The following TMEM132D variants were observed in gnomAD, a reference collection of about 807,000 sequenced individuals.
TMEM132D encodes the protein transmembrane protein 132D.
Under a neutral mutation model 62.3 loss-of-function variants are expected in TMEM132D, and 21 were observed. The ratio of observed to expected loss-of-function variants is 0.34; its 90% CI spans 0.24 to 0.49. The LOEUF (loss-of-function observed/expected upper bound fraction) is 0.49, where lower values mean the gene tolerates loss of function less well. TMEM132D is among the 20% of genes least tolerant of loss of function. The pLI, the probability that TMEM132D is intolerant of heterozygous loss-of-function variation, is 0.99. For synonymous variants in TMEM132D, 621 were observed against 575.6 expected, an observed-to-expected ratio of 1.08 and a Z score of -1.13; for missense variants, 1,346 against 1,402.8, an observed-to-expected ratio of 0.96 and a Z score of 0.65.
intron 1 of TMEM132D, among the ~76,000 whole-genome samples, chr12:129,786,857 C>T (rs1166297861): frequency 6.6e-6 from 1 of 152,148 alleles, no homozygotes; most frequent in African/African-American, 2.4e-5. Flanking sequence ...TGCCACTGTG[C>T]TCCAGCCTGA....
intron 1 of TMEM132D, among the ~76,000 whole-genome samples, chr12:129,769,975 G>A (rs897468234): frequency 2.0e-5 from 3 of 151,598 alleles, no homozygotes; most frequent in Non-Finnish European, 2.9e-5. Context: ...CACACCCGAC[G>A]AACGTTCTTT....
At chr12:129,486,625 T>C (rs1310194474) in intron 3 of TMEM132D, among the ~76,000 whole-genome samples, 1 of 152,184 alleles carries the variant, frequency 6.6e-6, no homozygotes, top group East Asian at 1.9e-4. Flanking sequence ...CCAGGGATCA[T>C]ACACCCTAAG....
intron 2 of TMEM132D, among the ~76,000 whole-genome samples, chr12:129,584,616 C>T (rs955289304): frequency 3.3e-5 from 5 of 152,202 alleles, no homozygotes; most frequent in African/African-American, 1.2e-4. Context: ...GCCATCCCAA[C>T]GGAGAGCACT....
intron 3 of TMEM132D, among the ~76,000 whole-genome samples, chr12:129,519,770 A>C (rs1362322483): frequency 6.6e-6 from 1 of 151,888 alleles, no homozygotes; most frequent in Non-Finnish European, 1.5e-5. Context: ...CACCATGCCC[A>C]GCTACTTTTT....
chr12:129,289,613 G>A (rs1237870296), intron 4 of TMEM132D, among the ~76,000 whole-genome samples: 1 of 150,424 alleles, frequency 6.6e-6, no homozygotes, highest in Non-Finnish European at 1.5e-5. Context: ...AATGTTAATT[G>A]TGCTTGCTGC....
At chr12:129,099,604 G>A (rs1391296228) in intron 5 of TMEM132D, among the ~76,000 whole-genome samples, 2 of 152,192 alleles carry the variant, frequency 1.3e-5, no homozygotes, top group Non-Finnish European at 2.9e-5. Flanking sequence ...GTTCACACGG[G>A]TGGCCGTGTT....
intron 8 of TMEM132D, among the ~76,000 whole-genome samples, chr12:129,077,708 CACAT>C (rs1230164176): frequency 8.4e-4 from 128 of 152,118 alleles, no homozygotes; most frequent in African/African-American, 2.7e-3. Context: ...CACATATGCA[CACAT>C]ACAAACAACA....
intron 1 of TMEM132D, among the ~76,000 whole-genome samples, chr12:129,902,438 G>A (rs1192698044): frequency 6.6e-6 from 1 of 152,126 alleles, no homozygotes; most frequent in Non-Finnish European, 1.5e-5. Context: ...AGAATCTCCC[G>A]CACAAATCAC....
chr12:129,501,999 C>CTTT (rs10532306), intron 3 of TMEM132D, among the ~76,000 whole-genome samples: 1 of 149,824 alleles, frequency 6.7e-6, no homozygotes. Context: ...ATTTCTGTGA[C>CTTT]TTTTTTTTTT....
intron 4 of TMEM132D, among the ~76,000 whole-genome samples, chr12:129,258,565 G>A (rs1880469795): frequency 6.6e-6 from 1 of 152,200 alleles, no homozygotes. Flanking sequence ...CATCTGTGAA[G>A]GGAAGGGTAA....
rs541195103 is a variant in TMEM132D, at chr12:129,365,944, C to T, written c.1116-28127G>A. ...CAATGTCCACCCAGCACTGTCCACC[C>T]GCCCCGCACACCCACACCTACCGAG... On this transcript the variant is annotated intron_variant, in intron 3 of 8. Coordinates refer to ENST00000422113, the MANE Select transcript of TMEM132D (RefSeq NM_133448.3). Among the ~76,000 whole-genome samples, 11 of 152,162 alleles carry T rather than the reference C, an allele frequency of 7.2e-5. No homozygotes were observed. The South Asian group carries it at 1.2e-3, about 17-fold the overall frequency.
chr12:129,585,479 C>T (rs1319167035), intron 2 of TMEM132D, among the ~76,000 whole-genome samples: 2 of 152,180 alleles, frequency 1.3e-5, no homozygotes, highest in African/African-American at 2.4e-5. Flanking sequence ...TGGTTGGCTG[C>T]GTGTGGGCCG....
At chr12:129,817,944 T>C in intron 1 of TMEM132D, among the ~76,000 whole-genome samples, 1 of 148,100 alleles carries the variant, frequency 6.8e-6, no homozygotes, top group African/African-American at 2.5e-5. Flanking sequence ...GGAGTGTGTG[T>C]GTGTGGTGTG....
chr12:129,247,225 G>T (rs1880145075), intron 4 of TMEM132D, among the ~76,000 whole-genome samples: 1 of 152,136 alleles, frequency 6.6e-6, no homozygotes, highest in African/African-American at 2.4e-5. Flanking sequence ...TCAAATTTGG[G>T]GTTAGTCGTT....
chr12:129,173,479 A>T (rs533194475), intron 5 of TMEM132D, among the ~76,000 whole-genome samples: 186 of 152,332 alleles, frequency 1.2e-3, no homozygotes, highest in African/African-American at 3.0e-3. Context: ...GTCCAAAGTC[A>T]TGCTTTTTCT....
chr12:129,173,041 T>C (rs920261653), intron 5 of TMEM132D, among the ~76,000 whole-genome samples: 5 of 152,160 alleles, frequency 3.3e-5, no homozygotes, highest in African/African-American at 9.7e-5. Flanking sequence ...ATTATAATAG[T>C]AACAGCAAAG....
At chr12:129,716,046 C>T (rs1759815217) in intron 1 of TMEM132D, among the ~76,000 whole-genome samples, 1 of 152,184 alleles carries the variant, frequency 6.6e-6, no homozygotes, top group African/African-American at 2.4e-5. Flanking sequence ...AATAGGCGTC[C>T]AGGTAGAAAG....
At chr12:129,756,056 A>T (rs1406416780) in intron 1 of TMEM132D, among the ~76,000 whole-genome samples, 1 of 152,180 alleles carries the variant, frequency 6.6e-6, no homozygotes, top group African/African-American at 2.4e-5. Context: ...GATTCTTTTC[A>T]TAGGAGGTCT....
At chr12:129,364,753 G>A (rs545589860) in intron 3 of TMEM132D, among the ~76,000 whole-genome samples, 1 of 152,152 alleles carries the variant, frequency 6.6e-6, no homozygotes, top group African/African-American at 2.4e-5. Context: ...TGTTGTTCAA[G>A]CTGCTGGAAT....
Sources: allele counts gnomAD v4.1 joint callset (sites outside exome capture counted in the v4.1 genomes callset), GRCh38; gene constraint gnomAD v4.1.1; transcripts MANE v1.5; gene names NCBI Gene and HGNC (gene_info 2026-07-23, HGNC 2026-07-21).